DOCK2: variants seen among roughly 807,000 people sequenced by gnomAD.
DOCK2 encodes the protein dedicator of cytokinesis 2.
A neutral mutation model predicts 248.9 loss-of-function variants in DOCK2; 87 were observed. The observed-to-expected ratio is 0.35, with a 90% CI of 0.29 to 0.42. The LOEUF is 0.42. Ranked by LOEUF, DOCK2 falls within the 10% of genes least tolerant of loss-of-function variation. The pLI, the probability that DOCK2 is intolerant of heterozygous loss-of-function variation, is 1.00. For synonymous variants in DOCK2, 805 were observed against 821.6 expected (o/e 0.98, Z 0.35); for missense variants, 1,747 against 2,300.2 (o/e 0.76, Z 4.92).
At chr5:170,077,649 G>T in intron 47 of DOCK2, 61 bp from the exon 48 acceptor site, 2 of 1,598,376 alleles carry the variant, frequency 1.3e-6, no homozygotes, top group Non-Finnish European at 1.7e-6. Flanking sequence ...GAAGGTGACA[G>T]GAAGGCTGGG....
At chr5:170,078,613 A>T (rs1278477515) in intron 48 of DOCK2, among the ~76,000 whole-genome samples, 1 of 152,208 alleles carries the variant, frequency 6.6e-6, no homozygotes, top group Non-Finnish European at 1.5e-5. Context: ...TGGCTTGAAG[A>T]GGTTGAGTGA....
chr5:170,049,391 G>A (rs1386510344), intron 40 of DOCK2, among the ~76,000 whole-genome samples: 1 of 152,218 alleles, frequency 6.6e-6, no homozygotes, highest in African/African-American at 2.4e-5. Context: ...GGGATTACAG[G>A]CGTGAGCCAC....
At chr5:169,882,855 C>G (rs373092434) in intron 27 of DOCK2, 7 of 1,551,006 alleles carry the variant, frequency 4.5e-6, no homozygotes, top group Non-Finnish European at 5.2e-6. Flanking sequence ...GGGCAGATTT[C>G]GATGCACTGT....
rs944503145 is a variant in DOCK2, at chr5:170,057,574, G to A, written c.4381-6G>A. On this transcript the variant is annotated splice_polypyrimidine_tract_variant and splice_region_variant and intron_variant, in intron 43 of 51. Transcript: ENST00000520908. ...CTGCCCTTGCCACCCCTCTGCCCAC[G>A]GACAGTCCATGTGGATTGAGAGAAC... is the stretch of plus-strand genomic sequence containing the variant. 1.2e-6 allele frequency: 2 copies of A among 1,613,656 alleles called. No individual in the cohort carries two copies. The highest frequency in any genetic ancestry group is 8.5e-7 in the Non-Finnish European group (1 of 1,179,598).
chr5:170,072,652 C>T (rs1757718960), intron 46 of DOCK2, among the ~76,000 whole-genome samples: 1 of 152,176 alleles, frequency 6.6e-6, no homozygotes, highest in Non-Finnish European at 1.5e-5. Flanking sequence ...ACTTCTAAGT[C>T]AGTTGATCCA....
chr5:169,689,127 T>C (rs1436331399), intron 8 of DOCK2, 125 bp from the exon 9 acceptor site: 31 of 808,532 alleles, frequency 3.8e-5, no homozygotes, highest in Non-Finnish European at 5.8e-5. Context: ...ATGTCTTTCT[T>C]AAACACCTGC....
intron 34 of DOCK2, among the ~76,000 whole-genome samples, chr5:170,032,043 T>C (rs13179152): frequency 0.33 from 44,508 of 133,218 alleles, 6,901 homozygotes; most frequent in East Asian, 0.53. Context: ...TTTTTTTTTT[T>C]TGAGACGGAG....
chr5:170,080,520 G>A (rs911835371), intron 50 of DOCK2: 20 of 540,520 alleles, frequency 3.7e-5, no homozygotes, highest in African/African-American at 3.4e-4. Context: ...GCTGTCCCTT[G>A]GGCCCTCAGG....
intron 22 of DOCK2, among the ~76,000 whole-genome samples, chr5:169,735,167 T>A (rs1423249743): frequency 3.3e-5 from 5 of 152,182 alleles, no homozygotes; most frequent in Non-Finnish European, 7.3e-5. Flanking sequence ...CTTCTTAAAA[T>A]CCTCTTATTT....
intron 26 of DOCK2, among the ~76,000 whole-genome samples, chr5:169,817,624 A>G (rs1005700961): frequency 1.3e-5 from 2 of 152,134 alleles, no homozygotes; most frequent in African/African-American, 4.8e-5. Flanking sequence ...GCCTGGGTCA[A>G]TTTCCCTTAT....
chr5:170,041,696 T>G (rs1268758670), intron 37 of DOCK2, among the ~76,000 whole-genome samples: 1 of 151,818 alleles, frequency 6.6e-6, no homozygotes, highest in East Asian at 1.9e-4. Flanking sequence ...GAGGGGAGGG[T>G]GTTTGCAGGG....
chr5:169,813,815 C>A (rs1442133002), intron 26 of DOCK2, among the ~76,000 whole-genome samples: 11 of 152,102 alleles, frequency 7.2e-5, no homozygotes, highest in Non-Finnish European at 4.4e-5. Flanking sequence ...GAAAGACAGC[C>A]TTGGTTCCTG....
intron 25 of DOCK2, among the ~76,000 whole-genome samples, chr5:169,791,252 T>G (rs1766320911): frequency 6.6e-6 from 1 of 152,166 alleles, no homozygotes; most frequent in Non-Finnish European, 1.5e-5. Flanking sequence ...CACTGTCTGA[T>G]GAGGAAAAGG....
At chr5:170,025,245 C>G (rs1411320979) in intron 33 of DOCK2, among the ~76,000 whole-genome samples, 1 of 152,240 alleles carries the variant, frequency 6.6e-6, no homozygotes, top group Non-Finnish European at 1.5e-5. Flanking sequence ...TAGACAAACT[C>G]TGGCCCACAG....
At chr5:169,794,908 G>A (rs570086536) in intron 25 of DOCK2, among the ~76,000 whole-genome samples, 3 of 152,302 alleles carry the variant, frequency 2.0e-5, no homozygotes, top group Non-Finnish European at 4.4e-5. Context: ...GGGTGACAGT[G>A]CGAGACTCTG....
chr5:169,730,413 A>G (rs757199368), intron 22 of DOCK2, among the ~76,000 whole-genome samples: 1 of 152,174 alleles, frequency 6.6e-6, no homozygotes, highest in Non-Finnish European at 1.5e-5. Context: ...TAAGGTGAGC[A>G]TAGGGGAGAA....
At chr5:169,747,566 T>G in intron 23 of DOCK2, 62 bp downstream of exon 23, 1 of 1,382,474 alleles carries the variant, frequency 7.2e-7, no homozygotes, top group Non-Finnish European at 1.0e-6. Flanking sequence ...AACAGCATGC[T>G]AAGATAATAT....
rs1435639103 is a variant in DOCK2, at chr5:169,671,072, A to C, written c.225-6A>C. 2 of 1,612,938 alleles carry C rather than the reference A, an allele frequency of 1.2e-6. No individual in the cohort carries two copies. The highest frequency in any genetic ancestry group is 4.5e-5 in the East Asian group (2 of 44,850). ...TTCACACCACTTTTTCTCCCACCTT[A>C]AATAGAAATACTGAGAACATCATTC... On this transcript the variant is annotated splice_region_variant and splice_polypyrimidine_tract_variant and intron_variant, in intron 4 of 51. Coordinates refer to ENST00000520908, the MANE Select transcript of DOCK2 (RefSeq NM_004946.3).
chr5:169,900,272 C>T (rs994606382), intron 27 of DOCK2, among the ~76,000 whole-genome samples: 15 of 152,184 alleles, frequency 9.9e-5, no homozygotes, highest in African/African-American at 3.4e-4. Context: ...ACAACCCTAA[C>T]CTGTTGTCCC....
Sources: allele counts gnomAD v4.1 joint callset (sites outside exome capture counted in the v4.1 genomes callset), GRCh38; gene constraint gnomAD v4.1.1; transcripts MANE v1.5; gene names NCBI Gene and HGNC (gene_info 2026-07-23, HGNC 2026-07-21).